Variants in FOXP2 observed in about 807,000 individuals in gnomAD.
FOXP2 encodes the protein forkhead box P2.
FOXP2 carries 12 observed loss-of-function variants against 115.8 expected under a neutral mutation model. The ratio of observed to expected loss-of-function variants is 0.10; its 90% CI spans 0.07 to 0.17. FOXP2 has a LOEUF of 0.17. Among genes scored for constraint, FOXP2 ranks in the 10% least tolerant of loss-of-function variants. The pLI, the probability that FOXP2 is intolerant of heterozygous loss-of-function variation, is 1.00. For synonymous variants in FOXP2, 328 were observed against 297.7 expected (o/e 1.10, Z -1.05); for missense variants, 629 against 843.5 (o/e 0.75, Z 3.15).
chr7:114,121,273 C>T (rs1791557367), intron 1 of FOXP2, among the ~76,000 whole-genome samples: 1 of 151,976 alleles, frequency 6.6e-6, no homozygotes, highest in Non-Finnish European at 1.5e-5. Flanking sequence ...AGATGGCCGT[C>T]TGTAGCACTG....
chr7:114,658,004 C>T lies in FOXP2; in HGVS notation c.1267-62C>T, dbSNP rs138959881. The T allele has an allele frequency of 4.3e-4, 685 of 1,589,262 alleles. 4 individuals carry two copies. In the African/African-American group the frequency reaches 8.2e-3, roughly 19 times the overall value. On this transcript the variant is annotated intron_variant, in intron 10 of 16. Coordinates refer to ENST00000350908, the MANE Select transcript of FOXP2 (RefSeq NM_014491.4). ...AGTGAATCCACTCTCATTTGTCAAA[C>T]CTTTTTAAGTCTTTTTCTCTTGTCT...
At chr7:114,409,450 A>T (rs535588344), upstream of FOXP2, among the ~76,000 whole-genome samples, 1 of 152,278 alleles carries the variant, frequency 6.6e-6, no homozygotes, top group East Asian at 1.9e-4. Flanking sequence ...AAAACAAAAT[A>T]GTTTTATTTC....
At chr7:114,466,142 C>G (rs1795789125) in intron 2 of FOXP2, among the ~76,000 whole-genome samples, 1 of 152,188 alleles carries the variant, frequency 6.6e-6, no homozygotes, top group Non-Finnish European at 1.5e-5. Flanking sequence ...ATGGCCCTTA[C>G]TGATTTCCAA....
intron 2 of FOXP2, among the ~76,000 whole-genome samples, chr7:114,459,854 G>C (rs922417138): frequency 2.0e-5 from 3 of 152,138 alleles, no homozygotes; most frequent in East Asian, 1.9e-4. Flanking sequence ...GACCTCAAGT[G>C]ATCCTCCCGC....
chr7:114,437,341 A>G (rs915388200), intron 2 of FOXP2, among the ~76,000 whole-genome samples: 1 of 152,220 alleles, frequency 6.6e-6, no homozygotes. Context: ...TTATTTAGGC[A>G]GCAGGTGTTT....
intron 1 of FOXP2, among the ~76,000 whole-genome samples, chr7:114,093,874 C>T (rs1349432095): frequency 6.6e-6 from 1 of 151,938 alleles, no homozygotes. Context: ...TTTAGTAGTT[C>T]AGTGCTCTAA....
chr7:114,111,520 T>C (rs550199291), intron 1 of FOXP2, among the ~76,000 whole-genome samples: 35 of 152,252 alleles, frequency 2.3e-4, no homozygotes, highest in Admixed American at 2.0e-3. Flanking sequence ...GTTTGTTATA[T>C]AGCAATAGAT....
At chr7:114,510,066 G>C (rs1422122373) in intron 2 of FOXP2, among the ~76,000 whole-genome samples, 5 of 152,310 alleles carry the variant, frequency 3.3e-5, no homozygotes, top group Non-Finnish European at 7.4e-5. Flanking sequence ...GACATTAAAT[G>C]ATGAGCAAAG....
chr7:114,500,913 G>A (rs1357541101), intron 2 of FOXP2, among the ~76,000 whole-genome samples: 11 of 152,082 alleles, frequency 7.2e-5, no homozygotes, highest in Non-Finnish European at 1.3e-4. Flanking sequence ...GGGCCTGTTC[G>A]TTTATCACAT....
At chr7:114,663,608 AT>A (rs1436455647) in intron 15 of FOXP2, 89 bp downstream of exon 15, 7 of 964,796 alleles carry the variant, frequency 7.3e-6, no homozygotes, top group Non-Finnish European at 9.6e-6. Context: ...TGAGATTGTG[AT>A]TGTTCTTAAT....
intron 2 of FOXP2, among the ~76,000 whole-genome samples, chr7:114,490,093 T>C (rs993422784): frequency 6.6e-6 from 1 of 152,154 alleles, no homozygotes; most frequent in African/African-American, 2.4e-5. Context: ...GATTGAAAAC[T>C]TATATCCACA....
chr7:114,542,539 G>A (rs1042579314), intron 3 of FOXP2, among the ~76,000 whole-genome samples: 3 of 151,942 alleles, frequency 2.0e-5, no homozygotes, highest in African/African-American at 7.3e-5. Context: ...ATTTATAGTG[G>A]CTTTTTAAAA....
At chr7:114,290,003 G>A (rs1231129580) in intron 2 of FOXP2, among the ~76,000 whole-genome samples, 1 of 151,780 alleles carries the variant, frequency 6.6e-6, no homozygotes, top group Non-Finnish European at 1.5e-5. Context: ...CTATTTTTTG[G>A]CTTTTTAAAT....
At chr7:114,165,974 A>G (rs1161484233) in intron 1 of FOXP2, among the ~76,000 whole-genome samples, 4 of 152,220 alleles carry the variant, frequency 2.6e-5, no homozygotes, top group South Asian at 2.1e-4. Flanking sequence ...TAGTCAATTC[A>G]TCTTTAACAA....
intron 3 of FOXP2, among the ~76,000 whole-genome samples, chr7:114,618,510 G>A (rs1373784079): frequency 6.6e-6 from 1 of 152,100 alleles, no homozygotes; most frequent in South Asian, 2.1e-4. Flanking sequence ...CTTTGAAGCT[G>A]GGCTGGGATT....
chr7:114,206,618 T>G (rs1326055522), intron 1 of FOXP2, among the ~76,000 whole-genome samples: 2 of 152,200 alleles, frequency 1.3e-5, no homozygotes, highest in African/African-American at 4.8e-5. Flanking sequence ...ATTATCTTGC[T>G]TATTTAATTG....
intron 2 of FOXP2, among the ~76,000 whole-genome samples, chr7:114,362,804 T>A (rs1446331659): frequency 1.3e-5 from 2 of 152,112 alleles, no homozygotes; most frequent in Non-Finnish European, 1.5e-5. Flanking sequence ...AGCAAGCATT[T>A]TGACAAAATC....
intron 2 of FOXP2, among the ~76,000 whole-genome samples, chr7:114,346,026 G>T (rs189424032): frequency 6.6e-6 from 1 of 151,738 alleles, no homozygotes; most frequent in East Asian, 1.9e-4. Context: ...TATTCACAAA[G>T]ATAATTGATT....
At chr7:114,683,055 G>A (rs1231800088) in intron 16 of FOXP2, among the ~76,000 whole-genome samples, 1 of 152,066 alleles carries the variant, frequency 6.6e-6, no homozygotes, top group African/African-American at 2.4e-5. Context: ...TAGGAAATTA[G>A]CAGCCTAACA....
Sources: allele counts gnomAD v4.1 joint callset (sites outside exome capture counted in the v4.1 genomes callset), GRCh38; gene constraint gnomAD v4.1.1; transcripts MANE v1.5; gene names NCBI Gene and HGNC (gene_info 2026-07-23, HGNC 2026-07-21).